Variants in TMF1 observed in about 807,000 individuals in gnomAD.
TMF1 encodes the protein TATA element modulatory factor.
A neutral mutation model predicts 126.5 loss-of-function variants in TMF1; 71 were observed. The ratio of observed to expected loss-of-function variants is 0.56; its 90% CI spans 0.46 to 0.68. The LOEUF (loss-of-function observed/expected upper bound fraction) is 0.68, where lower values mean the gene tolerates loss of function less well. Among genes scored for constraint, TMF1 ranks in the 30% least tolerant of loss-of-function variants. TMF1 has a pLI of 0.00. For missense variants in TMF1, 1,259 were observed against 1,253.2 expected (o/e 1.00, Z -0.07); for synonymous variants, 461 against 430.5 (o/e 1.07, Z -0.88).
chr3:69,039,572 C>T lies in TMF1; in HGVS notation c.1806G>A (p.Glu602=). Residue 602 remains glutamate (E), a synonymous_variant, in exon 6 of 17, where the codon GAG becomes GAA. Transcript: ENST00000398559. ...KLNKKVKELE[E]ELQHLKQVLD... is the part of the protein sequence containing the mutation. ...TCACCTGTTTCAAATGCTGCAACTC[C>T]TCTTCTAGCTCTTTAACTTTTTTGT... 6.2e-7 allele frequency: 1 copy of T among 1,612,448 alleles called. No individual in the cohort carries two copies.
intron 4 of TMF1, among the ~76,000 whole-genome samples, chr3:69,043,170 CATTTTT>C (rs772183916): frequency 3.3e-5 from 5 of 152,076 alleles, no homozygotes; most frequent in South Asian, 2.1e-4. Flanking sequence ...CTTTCCTTTT[CATTTTT>C]ATTTTTATTT....
At chr3:69,028,191 T>C (rs1375816948) in intron 12 of TMF1, 35 bp downstream of exon 12, 6 of 1,543,338 alleles carry the variant, frequency 3.9e-6, no homozygotes, top group Admixed American at 3.4e-5. Context: ...CTCTAATGTA[T>C]GCCCTAAGAG....
At position 69,043,763 on chromosome 3, in the gene TMF1, T is replaced by A; in HGVS notation, c.1565A>T (p.Asp522Val). 6.2e-7 allele frequency: 1 copy of A among 1,607,864 alleles called. No individual in the cohort carries two copies. Among genetic ancestry groups the A allele is most frequent in the South Asian group, 1.1e-5 (1 of 89,320 alleles). ...KKVQLACKER[D>V]AAKKEIKNIK... Reference sequence around the variant, plus strand: ...AATTTCAATTACCTTTTTAGCAGCATCTCTCTCTTTGCAGGCTAGTTGAAC... The same window carrying A: ...AATTTCAATTACCTTTTTAGCAGCAACTCTCTCTTTGCAGGCTAGTTGAAC... The change falls in exon 4 of 17, where the codon GAT becomes GTT. Residue 522 changes from aspartate to valine, a missense_variant. Transcript: ENST00000398559.
In TMF1 at chr3:69,047,893, C is replaced by G. The variant is rs1375399924; in HGVS notation, c.812G>C (p.Ser271Thr). The G allele has an allele frequency of 6.2e-7, 1 of 1,613,798 alleles. No homozygotes were observed. The highest frequency in any genetic ancestry group is 8.5e-7 in the Non-Finnish European group (1 of 1,180,022). The change falls in exon 2 of 17, where the codon AGC becomes ACC. Residue 271 changes from serine to threonine, a missense_variant. Transcript: ENST00000398559. ...VLDHESVISE[S>T]SASSRQETTD... is the part of the protein sequence containing the mutation. ...AGTCTCTTGTCTCGAGCTCGCTGAG[C>G]TCTCACTTATTACACTTTCATGATC...
chr3:69,025,509 T>TATAA, intron 15 of TMF1, 51 bp downstream of exon 15: 5 of 1,530,250 alleles, frequency 3.3e-6, no homozygotes, highest in Non-Finnish European at 4.4e-6. Context: ...TGCTATTTAT[T>TATAA]AGGCCTCAAA....
At chr3:69,044,400 A>G (rs943418562) in intron 3 of TMF1, 92 bp downstream of exon 3, 1 of 661,094 alleles carries the variant, frequency 1.5e-6, no homozygotes, top group African/African-American at 1.9e-5. Flanking sequence ...AAATTACAAA[A>G]CATTTTAATT....
chr3:69,035,075 G>C lies in TMF1; in HGVS notation c.2192C>G (p.Ala731Gly). 6.2e-7 allele frequency: 1 copy of C among 1,614,096 alleles called. No individual in the cohort carries two copies. The highest frequency in any genetic ancestry group is 8.5e-7 in the Non-Finnish European group (1 of 1,179,992). Residue 731 changes from alanine to glycine, a missense_variant, in exon 9 of 17, where the codon GCG becomes GGG. Transcript: ENST00000398559. ...TAAATAATCCTCCTTTCTGGCAGCC[G>C]CTTGTTCTGTACGCTGCAATGCAAG... ...LRLALQRTEQAAARKEDYLRH... is the reference protein window; with the variant it reads ...LRLALQRTEQGAARKEDYLRH...
intron 8 of TMF1, among the ~76,000 whole-genome samples, 168 bp downstream of exon 8, chr3:69,038,396 C>G (rs1186780450): frequency 6.6e-6 from 1 of 152,194 alleles, no homozygotes; most frequent in Admixed American, 6.5e-5. Flanking sequence ...GTAAGCATTA[C>G]TTTAACAGTT....
rs565320981 is a variant in TMF1, at chr3:69,031,765, T to C, written c.2402-1758A>G. ...ACATTTTACACTCTGCTCCACAGCA[T>C]AGCTATGGTCTTTTTAATAGCATTC... On this transcript the variant is annotated intron_variant, in intron 10 of 16. Transcript: ENST00000398559. Among the ~76,000 whole-genome samples the C allele has an allele frequency of 7.2e-5, 11 of 152,334 alleles. No individual in the cohort carries two copies. The East Asian group carries it at 1.5e-3, about 21-fold the overall frequency.
chr3:69,026,960 ATTCT>A (rs1238812390), intron 13 of TMF1, among the ~76,000 whole-genome samples: 1 of 152,122 alleles, frequency 6.6e-6, no homozygotes, highest in East Asian at 1.9e-4. Flanking sequence ...GTACACGGTA[ATTCT>A]TTCAATACAG....
intron 15 of TMF1, chr3:69,024,683 A>C (rs557440291): frequency 6.6e-6 from 1 of 152,232 alleles, no homozygotes; most frequent in South Asian, 2.1e-4. Context: ...TAATATTTTC[A>C]TATAACTAAA....
In TMF1 at chr3:69,026,095, T is replaced by A; in HGVS notation, c.2760A>T (p.Glu920Asp). Residue 920 changes from glutamate (E) to aspartate (D), a missense_variant and splice_region_variant, in exon 14 of 17, where the codon GAA becomes GAT. Transcript: ENST00000398559. ...IFTQETIKEK[E>D]RKPFSVSSTP... ...TGCTAGAAACAGAAAATGGCTTGCG[T>A]TCCTTAGGGAGTAAAAAAAATTCTG... 1 of 1,610,432 alleles carries A rather than the reference T, an allele frequency of 6.2e-7. No individual in the cohort carries two copies. The highest frequency in any genetic ancestry group is 8.5e-7 in the Non-Finnish European group (1 of 1,178,034).
chr3:69,039,806 T>C lies in TMF1; in HGVS notation c.1685-113A>G, dbSNP rs1017483662. On this transcript the variant is annotated intron_variant, in intron 5 of 16. Coordinates refer to ENST00000398559, the MANE Select transcript of TMF1 (RefSeq NM_007114.3). Reference sequence around the variant, plus strand: ...AACAGAATTTTTTTAAATTACAATTTTGTAACCCACAATGTTACAACTAAT... The same window carrying C: ...AACAGAATTTTTTTAAATTACAATTCTGTAACCCACAATGTTACAACTAAT... 26 of 1,162,832 alleles carry C rather than the reference T, an allele frequency of 2.2e-5. No homozygotes were observed. The South Asian group carries it at 3.3e-4, about 15-fold the overall frequency. The allele number at this position is 1,162,832 out of a possible 1,614,324, so 72.0% of individuals were successfully genotyped here.
intron 2 of TMF1, among the ~76,000 whole-genome samples, chr3:69,046,134 A>G (rs1211100999): frequency 6.6e-6 from 1 of 152,184 alleles, no homozygotes; most frequent in Non-Finnish European, 1.5e-5. Context: ...CATCCACACT[A>G]AAAGTAATTT....
intron 10 of TMF1, among the ~76,000 whole-genome samples, chr3:69,032,860 C>A (rs1366889744): frequency 6.6e-6 from 1 of 152,116 alleles, no homozygotes; most frequent in African/African-American, 2.4e-5. Context: ...ATCCACCCGC[C>A]TAGGCCTCCC....
At chr3:69,038,744 T>A in intron 7 of TMF1, 24 bp from the exon 8 acceptor site, 1 of 1,600,702 alleles carries the variant, frequency 6.2e-7, no homozygotes, top group Middle Eastern at 1.7e-4. Flanking sequence ...ATTGAGTTTA[T>A]AAATGTTGCC....
At chr3:69,049,716 A>G (rs1248007779) in intron 1 of TMF1, among the ~76,000 whole-genome samples, 2 of 152,220 alleles carry the variant, frequency 1.3e-5, no homozygotes, top group Admixed American at 6.5e-5. Context: ...GAAAAAGTTA[A>G]TTATCATATC....
intron 9 of TMF1, 74 bp downstream of exon 9, chr3:69,034,949 C>A (rs2091824185): frequency 7.7e-7 from 1 of 1,296,422 alleles, no homozygotes; most frequent in African/African-American, 1.5e-5. Flanking sequence ...GAACACTATC[C>A]CACTGAGGAA....
Position 69,052,246 on chromosome 3 carries a change from A to AC in TMF1, c.-161dup. The AC allele has an allele frequency of 1.3e-6, 1 of 756,536 alleles. No individual in the cohort carries two copies. Among genetic ancestry groups the AC allele is most frequent in the Non-Finnish European group, 2.0e-6 (1 of 500,168 alleles). 46.9% of individuals were successfully genotyped at this position (756,536 alleles called of 1,614,324 possible). ...CAGCCTCCCGCGAGCCCGGGATGTT[A>AC]CCCTCGGCCGTTCCCGCACAGCTGA... On this transcript the variant is annotated 5_prime_UTR_variant, in exon 1 of 17. An upstream open reading frame in the 5' UTR loses its in-frame stop. Transcript: ENST00000398559.
Sources: gnomAD v4.1 joint callset for allele counts (sites outside exome capture counted in the v4.1 genomes callset) on GRCh38, gnomAD v4.1.1 for gene constraint, MANE v1.5 for transcripts, NCBI Gene and HGNC (gene_info 2026-07-23, HGNC 2026-07-21) for gene names.